The following NR2F1-AS1 variants were observed in gnomAD, a reference collection of about 807,000 sequenced individuals.
NR2F1-AS1 encodes the protein NR2F1 regulatory antisense RNA 1, also known as NR2F1 antisense RNA 1.
intron 4 of NR2F1-AS1, among the ~76,000 whole-genome samples, chr5:93,537,449 A>G (rs909013100): frequency 1.3e-5 from 2 of 152,146 alleles, no homozygotes; most frequent in Non-Finnish European, 2.9e-5. Flanking sequence ...CAGAATATAT[A>G]AGGAACTTAA....
intron 4 of NR2F1-AS1, among the ~76,000 whole-genome samples, chr5:93,436,669 T>C (rs1236462850): frequency 6.6e-6 from 1 of 152,176 alleles, no homozygotes; most frequent in African/African-American, 2.4e-5. Context: ...TTCTGTACTA[T>C]AAAGCCAATA....
At chr5:93,508,384 A>G (rs1751230148) in intron 4 of NR2F1-AS1, among the ~76,000 whole-genome samples, 1 of 152,158 alleles carries the variant, frequency 6.6e-6, no homozygotes, top group Non-Finnish European at 1.5e-5. Context: ...TGAGGAAACG[A>G]AAAGTTATTT....
At chr5:93,433,341 A>C (rs1243423265) in intron 4 of NR2F1-AS1, among the ~76,000 whole-genome samples, 1 of 152,188 alleles carries the variant, frequency 6.6e-6, no homozygotes, top group African/African-American at 2.4e-5. Context: ...CCATAATTCC[A>C]GTAGTTCCAC....
intron 1 of NR2F1-AS1, among the ~76,000 whole-genome samples, chr5:93,569,414 C>G (rs1190571558): frequency 6.6e-6 from 1 of 152,218 alleles, no homozygotes; most frequent in Non-Finnish European, 1.5e-5. Flanking sequence ...CACTGCTGCA[C>G]TACCCTGCTC....
chr5:93,490,914 ATGGGAGTGGTGGTGATGGTGGTGG>A (rs1177115968), intron 4 of NR2F1-AS1, among the ~76,000 whole-genome samples: 4 of 92,412 alleles, frequency 4.3e-5, no homozygotes, highest in African/African-American at 8.6e-5. Flanking sequence ...GGTGGTGGTG[ATGGGAGTGGTGGTGATGGTGGTGG>A]TGGGAGTGGT....
At chr5:93,491,273 C>G (rs1047720464) in intron 4 of NR2F1-AS1, among the ~76,000 whole-genome samples, 4 of 142,394 alleles carry the variant, frequency 2.8e-5, no homozygotes, top group African/African-American at 5.3e-5. Flanking sequence ...TGGTGGTGGT[C>G]ATGGTGGTGA....
chr5:93,484,622 A>ATG, intron 4 of NR2F1-AS1, among the ~76,000 whole-genome samples: 1 of 152,092 alleles, frequency 6.6e-6, no homozygotes, highest in African/African-American at 2.4e-5. Flanking sequence ...ATATGTAAGC[A>ATG]GACTAAATTC....
chr5:93,488,029 G>A (rs1020748165), intron 4 of NR2F1-AS1, among the ~76,000 whole-genome samples: 4 of 152,140 alleles, frequency 2.6e-5, no homozygotes, highest in Admixed American at 2.6e-4. Context: ...TGGGAAAACT[G>A]GCTAGCCACA....
intron 4 of NR2F1-AS1, among the ~76,000 whole-genome samples, chr5:93,462,039 A>G (rs1219854024): frequency 6.6e-6 from 1 of 152,252 alleles, no homozygotes. Context: ...GGTGTGAGGC[A>G]TTAACAGAGA....
intron 4 of NR2F1-AS1, among the ~76,000 whole-genome samples, chr5:93,446,398 A>T (rs1181716681): frequency 6.6e-6 from 1 of 152,218 alleles, no homozygotes; most frequent in Non-Finnish European, 1.5e-5. Context: ...GCATTCCTAT[A>T]CACCAATAAC....
At chr5:93,409,779 G>A (rs986490087) in intron 4 of NR2F1-AS1, 6 of 152,114 alleles carry the variant, frequency 3.9e-5, no homozygotes, top group Non-Finnish European at 7.3e-5. Context: ...ATTATTTATG[G>A]AGCAATATAA....
chr5:93,573,693 CAG>C (rs1379059339), intron 1 of NR2F1-AS1, among the ~76,000 whole-genome samples: 1 of 152,162 alleles, frequency 6.6e-6, no homozygotes, highest in African/African-American at 2.4e-5. Context: ...GTTTTGATGA[CAG>C]TGATTTATCG....
At chr5:93,449,807 A>G (rs1314745848) in intron 4 of NR2F1-AS1, among the ~76,000 whole-genome samples, 1 of 152,184 alleles carries the variant, frequency 6.6e-6, no homozygotes, top group Non-Finnish European at 1.5e-5. Context: ...ACAAGGAAAT[A>G]CCTATTAGAG....
intron 4 of NR2F1-AS1, among the ~76,000 whole-genome samples, chr5:93,485,735 C>T (rs935330901): frequency 3.0e-4 from 46 of 151,966 alleles, no homozygotes; most frequent in Non-Finnish European, 5.3e-4. Context: ...ACTAGAAATA[C>T]CATTTGACCC....
rs151044693 is a variant in NR2F1-AS1, at chr5:93,493,663, G to A, written n.638+60098C>T. Among the ~76,000 whole-genome samples, 11 of 152,064 alleles carry A rather than the reference G, an allele frequency of 7.2e-5. 1 individual carries two copies. The East Asian group carries it at 2.1e-3, about 29-fold the overall frequency. On this transcript the variant is annotated intron_variant and non_coding_transcript_variant, in intron 4 of 5. Transcript: ENST00000660523. ...ATAATAATAGATATATAGAACAACA[G>A]AATAAAACTGAGAGTCCAGAAATAA...
chr5:93,489,427 A>T (rs1054894651), intron 4 of NR2F1-AS1, among the ~76,000 whole-genome samples: 3 of 151,814 alleles, frequency 2.0e-5, no homozygotes, highest in African/African-American at 7.3e-5. Flanking sequence ...ATATATATAT[A>T]TATATTTTTA....
intron 1 of NR2F1-AS1, among the ~76,000 whole-genome samples, chr5:93,566,415 G>C (rs1420377996): frequency 6.6e-6 from 1 of 151,974 alleles, no homozygotes; most frequent in African/African-American, 2.4e-5. Context: ...TATAACTTGA[G>C]ATCATTAAAT....
chr5:93,501,826 T>C (rs1751086754), intron 4 of NR2F1-AS1, among the ~76,000 whole-genome samples: 1 of 152,222 alleles, frequency 6.6e-6, no homozygotes. Context: ...TATTGTGGCA[T>C]AAAATGCTCT....
chr5:93,522,248 A>G (rs1290984877), intron 4 of NR2F1-AS1, among the ~76,000 whole-genome samples: 1 of 152,140 alleles, frequency 6.6e-6, no homozygotes, highest in African/African-American at 2.4e-5. Context: ...AAAGATAACT[A>G]TTGGGTATTG....
Sources: gnomAD v4.1 joint callset for allele counts (sites outside exome capture counted in the v4.1 genomes callset) on GRCh38, gnomAD v4.1.1 for gene constraint, MANE v1.5 for transcripts, NCBI Gene and HGNC (gene_info 2026-07-23, HGNC 2026-07-21) for gene names.